Variants in KIF16B observed in about 807,000 individuals in gnomAD.
The protein encoded by KIF16B is kinesin-like protein KIF16B.
In KIF16B, 98 loss-of-function variants were observed where a neutral mutation model predicts 156.3. The observed-to-expected ratio is 0.63, with a 90% CI of 0.53 to 0.74. The LOEUF is 0.74. Among genes scored for constraint, KIF16B ranks in the 30% least tolerant of loss-of-function variants. The probability of loss-of-function intolerance (pLI) is 0.00; values close to 1 mark genes in which losing one functional copy is unlikely to be tolerated. For missense variants in KIF16B, 1,421 were observed against 1,606.5 expected (o/e 0.88, Z 1.97); for synonymous variants, 564 against 583.7 (o/e 0.97, Z 0.49).
At chr20:16,462,661 CAGTT>C (rs574226502) in intron 12 of KIF16B, among the ~76,000 whole-genome samples, 76 of 152,176 alleles carry the variant, frequency 5.0e-4, no homozygotes, top group Middle Eastern at 3.4e-3. Context: ...ATTATTTAGA[CAGTT>C]AGAGAGGGTA....
chr20:16,508,119 G>A lies in KIF16B; in HGVS notation c.557-19C>T, dbSNP rs781302109. ...GATAAATCTGAAAAAGAAAATGGAAGGGGTGAAGAAATCCCCCTAATATAT... is the reference window on the plus strand; with the variant it reads ...GATAAATCTGAAAAAGAAAATGGAAAGGGTGAAGAAATCCCCCTAATATAT... On this transcript the variant is annotated intron_variant, in intron 6 of 25. Transcript: ENST00000354981. The A allele has an allele frequency of 1.9e-6, 3 of 1,612,884 alleles. No homozygotes were observed. In the African/African-American group the frequency reaches 4.0e-5, roughly 22 times the overall value.
intron 7 of KIF16B, 56 bp from the exon 8 acceptor site, chr20:16,506,246 G>A (rs2068775071): frequency 3.5e-6 from 5 of 1,419,894 alleles, no homozygotes; most frequent in Non-Finnish European, 4.0e-6. Flanking sequence ...TGATGTTGTT[G>A]ATGATATGAA....
chr20:16,462,865 A>G (rs1040627221), intron 12 of KIF16B, among the ~76,000 whole-genome samples: 1 of 152,214 alleles, frequency 6.6e-6, no homozygotes, highest in Non-Finnish European at 1.5e-5. Flanking sequence ...TTCGACATGG[A>G]GGCTCCACCT....
intron 25 of KIF16B, among the ~76,000 whole-genome samples, chr20:16,305,866 T>A (rs1321730680): frequency 6.6e-6 from 1 of 152,204 alleles, no homozygotes; most frequent in African/African-American, 2.4e-5. Flanking sequence ...GGCTGAATAA[T>A]ATTCCATTGT....
intron 24 of KIF16B, among the ~76,000 whole-genome samples, chr20:16,333,975 G>C (rs2063993296): frequency 6.6e-6 from 1 of 152,132 alleles, no homozygotes; most frequent in African/African-American, 2.4e-5. Context: ...TAAAGTGCTA[G>C]CTATTATTTT....
At chr20:16,488,322 CT>C (rs1299942318) in intron 12 of KIF16B, among the ~76,000 whole-genome samples, 3 of 152,228 alleles carry the variant, frequency 2.0e-5, no homozygotes, top group African/African-American at 7.2e-5. Context: ...CAGCTTGGCG[CT>C]GCAGTCCAAA....
intron 23 of KIF16B, among the ~76,000 whole-genome samples, chr20:16,340,782 T>C (rs1175968428): frequency 2.0e-5 from 3 of 152,340 alleles, no homozygotes; most frequent in South Asian, 4.1e-4. Context: ...TTGGGTATCA[T>C]TCTTCTTTCC....
In KIF16B at chr20:16,378,983, G is replaced by T. The variant is rs557095718; in HGVS notation, c.3019C>A (p.Arg1007=). The T allele has an allele frequency of 1.1e-4, 178 of 1,613,996 alleles. 2 individuals carry two copies. In the South Asian group the frequency reaches 1.9e-3, roughly 17 times the overall value. ...CTCCTCTCCAGCCTGGCCAGGGCCC[G>T]CTCCAGCGCCTCTCTCTGCTGCTTC... The part of the protein sequence containing the change: ...REKQQREALE[R]ALARLERRHS... The change falls in exon 19 of 26, where the codon CGG becomes AGG. Residue 1007 remains arginine, a synonymous_variant. Coordinates refer to ENST00000354981, the MANE Select transcript of KIF16B (RefSeq NM_024704.5).
Position 16,573,390 on chromosome 20 carries a change from T to G in KIF16B, c.-115A>C. On this transcript the variant is annotated 5_prime_UTR_variant, in exon 1 of 26. Coordinates refer to ENST00000354981, the MANE Select transcript of KIF16B (RefSeq NM_024704.5). Reference sequence around the variant, plus strand: ...CCCACTTCCCTCTCGCCCCCGCCCCTCTGCTCCCGGCCGGACCTGGAGTTC... The same window carrying G: ...CCCACTTCCCTCTCGCCCCCGCCCCGCTGCTCCCGGCCGGACCTGGAGTTC... 8.5e-7 allele frequency: 1 copy of G among 1,179,068 alleles called. No homozygotes were observed. The highest frequency in any genetic ancestry group is 1.2e-6 in the Non-Finnish European group (1 of 829,836). The allele number at this position is 1,179,068 out of a possible 1,614,324, so 73.0% of individuals were successfully genotyped here. A position where few individuals can be genotyped will look rare whatever the true frequency, so the allele number is the denominator to read the frequency against.
intron 25 of KIF16B, among the ~76,000 whole-genome samples, chr20:16,296,849 T>G (rs1313659189): frequency 6.6e-6 from 1 of 152,226 alleles, no homozygotes; most frequent in Non-Finnish European, 1.5e-5. Flanking sequence ...TGTTTTTGGA[T>G]GAGATTAATG....
intron 25 of KIF16B, among the ~76,000 whole-genome samples, chr20:16,306,919 A>C (rs2063549638): frequency 6.6e-6 from 1 of 152,224 alleles, no homozygotes; most frequent in Admixed American, 6.5e-5. Context: ...TTGTTCAGAG[A>C]AGGAAACTGA....
chr20:16,503,062 A>C (rs537057469), intron 10 of KIF16B, among the ~76,000 whole-genome samples: 1 of 152,134 alleles, frequency 6.6e-6, no homozygotes, highest in Non-Finnish European at 1.5e-5. Context: ...AAAAATACAA[A>C]AAAATTAGCC....
intron 6 of KIF16B, among the ~76,000 whole-genome samples, chr20:16,508,716 C>T (rs1045312499): frequency 6.6e-5 from 10 of 152,010 alleles, no homozygotes; most frequent in Non-Finnish European, 1.3e-4. Flanking sequence ...GTCTGCAGCC[C>T]GGGGGTTAGA....
chr20:16,300,132 AT>A, intron 25 of KIF16B, among the ~76,000 whole-genome samples: 1 of 152,174 alleles, frequency 6.6e-6, no homozygotes, highest in Non-Finnish European at 1.5e-5. Context: ...GTGTTCAAAC[AT>A]TTTAACACGG....
At chr20:16,356,305 CCAG>C in intron 23 of KIF16B, 22 bp downstream of exon 23, 1 of 1,613,872 alleles carries the variant, frequency 6.2e-7, no homozygotes, top group Non-Finnish European at 8.5e-7. Flanking sequence ...CCTCCATTCT[CCAG>C]AAGAGTCAAG....
At chr20:16,540,885 A>T (rs1302765394) in intron 1 of KIF16B, among the ~76,000 whole-genome samples, 1 of 152,178 alleles carries the variant, frequency 6.6e-6, no homozygotes, top group Non-Finnish European at 1.5e-5. Flanking sequence ...GCTAAGTCTG[A>T]CACACTGTTT....
chr20:16,571,345 C>A (rs902547558), intron 1 of KIF16B, among the ~76,000 whole-genome samples: 1 of 152,200 alleles, frequency 6.6e-6, no homozygotes, highest in East Asian at 1.9e-4. Context: ...AATCTTGACA[C>A]CACCAGAGTT....
intron 24 of KIF16B, among the ~76,000 whole-genome samples, chr20:16,324,081 A>AT (rs1487045626): frequency 6.6e-6 from 1 of 151,982 alleles, no homozygotes; most frequent in African/African-American, 2.4e-5. Context: ...TAAATATTTC[A>AT]TTTTTAAGAA....
intron 23 of KIF16B, among the ~76,000 whole-genome samples, chr20:16,354,145 C>T (rs1292804498): frequency 6.6e-6 from 1 of 152,176 alleles, no homozygotes; most frequent in African/African-American, 2.4e-5. Flanking sequence ...CTGCACACCA[C>T]CTGATTATTA....
Sources: gnomAD v4.1 joint callset for allele counts (sites outside exome capture counted in the v4.1 genomes callset) on GRCh38, gnomAD v4.1.1 for gene constraint, MANE v1.5 for transcripts, NCBI Gene and HGNC (gene_info 2026-07-23, HGNC 2026-07-21) for gene names.